Variants in ROS1 observed in about 807,000 individuals in gnomAD.
The protein encoded by ROS1 is ROS proto-oncogene 1, receptor tyrosine kinase.
A neutral mutation model predicts 273.5 loss-of-function variants in ROS1; 263 were observed. The ratio of observed to expected loss-of-function variants is 0.96; its 90% CI spans 0.87 to 1.06. ROS1 has a LOEUF of 1.06. ROS1 is among the 50% of genes least tolerant of loss of function. The pLI, the probability that ROS1 is intolerant of heterozygous loss-of-function variation, is 0.00. For missense variants in ROS1, 2,833 were observed against 2,751.1 expected (o/e 1.03, Z -0.67); for synonymous variants, 1,008 against 954.1 (o/e 1.06, Z -1.04).
At chr6:117,314,674 A>C (rs1775777574) in intron 39 of ROS1, among the ~76,000 whole-genome samples, 1 of 152,184 alleles carries the variant, frequency 6.6e-6, no homozygotes, top group South Asian at 2.1e-4. Context: ...GAGAGTCCAC[A>C]TACTGAGCCT....
At chr6:117,404,883 T>G (rs965556100) in intron 5 of ROS1, among the ~76,000 whole-genome samples, 3 of 152,238 alleles carry the variant, frequency 2.0e-5, no homozygotes, top group African/African-American at 4.8e-5. Flanking sequence ...AGAAATTATT[T>G]TTTATATGTA....
intron 42 of ROS1, among the ~76,000 whole-genome samples, chr6:117,308,232 A>G (rs571583403): frequency 6.6e-5 from 10 of 152,198 alleles, no homozygotes; most frequent in Admixed American, 6.5e-4. Flanking sequence ...CACTATTGGA[A>G]TTCAATAATG....
intron 4 of ROS1, among the ~76,000 whole-genome samples, chr6:117,414,307 T>C (rs1582893755): frequency 6.6e-6 from 1 of 152,142 alleles, no homozygotes; most frequent in Non-Finnish European, 1.5e-5. Context: ...ATATATATTA[T>C]ATACATGCAC....
intron 12 of ROS1, among the ~76,000 whole-genome samples, chr6:117,391,367 A>C (rs970168141): frequency 2.0e-5 from 3 of 152,184 alleles, no homozygotes; most frequent in African/African-American, 7.2e-5. Context: ...ATTATATTGA[A>C]GCAGGGAGGA....
chr6:117,371,324 A>C lies in ROS1; in HGVS notation c.2583-5034T>G, dbSNP rs1780751965. On this transcript the variant is annotated intron_variant, in intron 18 of 43. Coordinates refer to ENST00000368507, the MANE Select transcript of ROS1 (RefSeq NM_001378902.1). ...TCCTCTGTGGAAAACCTGAAGGTCCAGATCATGGGAGAAGGATTTGACCTC... is the reference window on the plus strand; with the variant it reads ...TCCTCTGTGGAAAACCTGAAGGTCCCGATCATGGGAGAAGGATTTGACCTC... Among the ~76,000 whole-genome samples the C allele has an allele frequency of 2.0e-5, 3 of 152,180 alleles. No individual in the cohort carries two copies. The South Asian group carries it at 6.2e-4, about 32-fold the overall frequency.
At position 117,389,431 on chromosome 6, in the gene ROS1, G is replaced by A. The variant is rs768790336; in HGVS notation, c.1705C>T (p.Arg569Cys). 2.5e-5 allele frequency: 40 copies of A among 1,614,024 alleles called. 1 individual carries two copies. The highest frequency in any genetic ancestry group is 6.7e-5 in the African/African-American group (5 of 74,910). ...AACAGCACCGAAAGCTCCTGCGGGCGGCCTGGCAGAGGGTGCAGCTGGGAG... is the reference window on the plus strand; with the variant it reads ...AACAGCACCGAAAGCTCCTGCGGGCAGCCTGGCAGAGGGTGCAGCTGGGAG... ...SSSQLHPLPG[R>C]PQELSVLFGS... is the part of the protein sequence containing the mutation. The change falls in exon 13 of 44, where the codon CGC becomes TGC. Residue 569 changes from arginine to cysteine, a missense_variant. By Grantham distance (180) the Arg-to-Cys change is radical. Transcript: ENST00000368507.
intron 14 of ROS1, among the ~76,000 whole-genome samples, chr6:117,387,467 A>G (rs946325402): frequency 1.3e-5 from 2 of 152,200 alleles, no homozygotes; most frequent in African/African-American, 4.8e-5. Flanking sequence ...GAGTTCAGAA[A>G]TGCCACTGCT....
chr6:117,381,965 A>G (rs1772192045), intron 17 of ROS1, among the ~76,000 whole-genome samples: 2 of 152,160 alleles, frequency 1.3e-5, no homozygotes, highest in South Asian at 2.1e-4. Context: ...GAAGTCCCCA[A>G]GGTCACACCA....
At chr6:117,368,296 T>C (rs989331911) in intron 18 of ROS1, among the ~76,000 whole-genome samples, 1 of 152,204 alleles carries the variant, frequency 6.6e-6, no homozygotes, top group Non-Finnish European at 1.5e-5. Context: ...TTTTTAGTGA[T>C]TTCTATAAAT....
chr6:117,403,175 G>C lies in ROS1; in HGVS notation c.568C>G (p.Pro190Ala). The change falls in exon 7 of 44, where the codon CCT (proline) becomes GCT (alanine). Residue 190 changes from proline to alanine, a missense_variant. Physicochemically the swap from Pro to Ala is conservative, Grantham distance 27. Transcript: ENST00000368507. Reference protein sequence around the residue: ...IFTAQLQLYSPPSPSYRTHPH... With the variant: ...IFTAQLQLYSAPSPSYRTHPH... The stretch of plus-strand genomic sequence containing the variant: ...TGAGTCCTGTAACTGGGACTTGGAG[G>C]GGAGTAGAGCTGCAGCTGCGCTGTG... The C allele has an allele frequency of 6.2e-7, 1 of 1,613,678 alleles. No individual in the cohort carries two copies. The highest frequency in any genetic ancestry group is 8.5e-7 in the Non-Finnish European group (1 of 1,179,896).
At chr6:117,329,299 C>A (rs2128592904) in intron 33 of ROS1, 30 bp downstream of exon 33, 1 of 977,166 alleles carries the variant, frequency 1.0e-6, no homozygotes, top group South Asian at 1.5e-5. Flanking sequence ...AGTTCTTTGT[C>A]ATTTACAAGT....
rs533891735 is a variant in ROS1 at position 117,408,186 on chromosome 6, T to A, written c.316+1396A>T. Among the ~76,000 whole-genome samples the A allele has an allele frequency of 2.0e-5, 3 of 151,846 alleles. No individual in the cohort carries two copies. The South Asian group carries it at 6.3e-4, about 32-fold the overall frequency. ...TTCATGTCTAAAACTCCAAAAGCAATGGCAACAAAAGCCAAAATTGACAAA... is the reference window on the plus strand; with the variant it reads ...TTCATGTCTAAAACTCCAAAAGCAAAGGCAACAAAAGCCAAAATTGACAAA... On this transcript the variant is annotated intron_variant, in intron 5 of 43. Coordinates refer to ENST00000368507, the MANE Select transcript of ROS1 (RefSeq NM_001378902.1).
intron 18 of ROS1, among the ~76,000 whole-genome samples, chr6:117,377,383 T>C (rs1781423080): frequency 1.3e-5 from 2 of 152,110 alleles, no homozygotes; most frequent in South Asian, 2.1e-4. Flanking sequence ...AGTGCTGGGA[T>C]TACAGGCGTG....
At chr6:117,351,670 C>T (rs1452720158) in intron 27 of ROS1, among the ~76,000 whole-genome samples, 1 of 152,066 alleles carries the variant, frequency 6.6e-6, no homozygotes, top group Non-Finnish European at 1.5e-5. Context: ...CTGTATTTAC[C>T]AATCTGTCTT....
intron 29 of ROS1, among the ~76,000 whole-genome samples, 158 bp from the exon 30 acceptor site, chr6:117,341,790 ACAGACTGCCTAAAAGGCTCC>A (rs1362362860): frequency 2.0e-5 from 3 of 152,216 alleles, no homozygotes; most frequent in Non-Finnish European, 4.4e-5. Context: ...TCGTAGGTTA[ACAGACTGCCTAAAAGGCTCC>A]CACTTATTTT....
rs1774078178 is a variant in ROS1 at position 117,403,013 on chromosome 6, G to A, written c.604+126C>T. ...AGAATACTACCTGGCACATAGTTATGTACCCAGTTGTTGAATGGATCGATT... is the reference window on the plus strand; with the variant it reads ...AGAATACTACCTGGCACATAGTTATATACCCAGTTGTTGAATGGATCGATT... On this transcript the variant is annotated intron_variant, in intron 7 of 43. Coordinates refer to ENST00000368507, the MANE Select transcript of ROS1 (RefSeq NM_001378902.1). The A allele has an allele frequency of 4.0e-6, 4 of 1,007,072 alleles. No homozygotes were observed. In the Admixed American group the frequency reaches 7.5e-5, roughly 19 times the overall value. 62.4% of individuals were successfully genotyped at this position (1,007,072 alleles called of 1,614,324 possible). A position where few individuals can be genotyped will look rare whatever the true frequency, so the allele number is the denominator to read the frequency against.
rs367989203 is a variant in ROS1 at position 117,345,486 on chromosome 6, A to G, written c.4304-1224T>C. On this transcript the variant is annotated intron_variant, in intron 27 of 43. Transcript: ENST00000368507. ...TAGAATGTAACTATCTTTGGCTGAG[A>G]CTGTGCTTGAATTATCTTTGTTCCA... is the stretch of plus-strand genomic sequence containing the variant. 2.6e-5 allele frequency among the ~76,000 whole-genome samples: 4 copies of G among 152,300 alleles called. No homozygotes were observed. The South Asian group carries it at 8.3e-4, about 32-fold the overall frequency.
chr6:117,291,699 A>G (rs1264127341), intron 43 of ROS1, among the ~76,000 whole-genome samples: 2 of 152,212 alleles, frequency 1.3e-5, no homozygotes, highest in Non-Finnish European at 1.5e-5. Context: ...GTTAACCTAC[A>G]TAGCACAGTG....
chr6:117,301,319 T>C (rs1774708595), intron 42 of ROS1, 182 bp from the exon 43 acceptor site: 1 of 479,916 alleles, frequency 2.1e-6, no homozygotes. Context: ...CATTACTACG[T>C]TTATTAGATA....
Sources: gnomAD v4.1 joint callset for allele counts (sites outside exome capture counted in the v4.1 genomes callset) on GRCh38, gnomAD v4.1.1 for gene constraint, MANE v1.5 for transcripts, NCBI Gene and HGNC (gene_info 2026-07-23, HGNC 2026-07-21) for gene names.